The following SHROOM3 variants were observed in gnomAD, a reference collection of about 807,000 sequenced individuals.
The protein encoded by SHROOM3 is shroom family member 3.
In SHROOM3, 47 loss-of-function variants were observed where a neutral mutation model predicts 138.6. That is an observed-to-expected ratio of 0.34 (90% CI 0.27 to 0.43). The LOEUF is 0.43. SHROOM3 is among the 20% of genes least tolerant of loss of function. The pLI, the probability that SHROOM3 is intolerant of heterozygous loss-of-function variation, is 1.00. For missense variants in SHROOM3, 2,491 were observed against 2,596.5 expected (o/e 0.96, Z 0.88); for synonymous variants, 1,062 against 1,063.3 (o/e 1.00, Z 0.02).
rs929081115 is a variant in SHROOM3, at chr4:76,748,837, T to A, written c.3754-180T>A. 6.9e-6 allele frequency among the ~76,000 whole-genome samples: 1 copy of A among 144,256 alleles called. No homozygotes were observed. The highest frequency in any genetic ancestry group is 1.5e-5 in the Non-Finnish European group (1 of 66,910). 94.6% of individuals were successfully genotyped at this position (144,256 alleles called of 152,430 possible). On this transcript the variant is annotated intron_variant, in intron 5 of 10. Coordinates refer to ENST00000296043, the MANE Select transcript of SHROOM3 (RefSeq NM_020859.4). Reference sequence around the variant, plus strand: ...TGCTTTTTTTTTTTTTTTTTTTTTTTAAATCTTCGGCTTATCTCCTGCATC... The same window carrying A: ...TGCTTTTTTTTTTTTTTTTTTTTTTAAAATCTTCGGCTTATCTCCTGCATC...
In SHROOM3 at chr4:76,580,884, A is replaced by G. The variant is rs116488709; in HGVS notation, c.323+25121A>G. Reference sequence around the variant, plus strand: ...CTAGTAAACACTCTACTAAGTACATATGTAAGTATATAAACGTAACTGATA... The same window carrying G: ...CTAGTAAACACTCTACTAAGTACATGTGTAAGTATATAAACGTAACTGATA... On this transcript the variant is annotated intron_variant, in intron 2 of 10. Transcript: ENST00000296043. 9.1e-3 allele frequency among the ~76,000 whole-genome samples: 1,392 copies of G among 152,358 alleles called. 10 individuals are homozygous for G. The highest frequency in any genetic ancestry group is 0.019 in the South Asian group (92 of 4,830).
intron 2 of SHROOM3, among the ~76,000 whole-genome samples, chr4:76,698,592 A>G (rs1351902936): frequency 6.6e-6 from 1 of 152,102 alleles, no homozygotes; most frequent in East Asian, 1.9e-4. Context: ...ACTCGCTTAC[A>G]AAAGGGGAGG....
chr4:76,741,362 C>T lies in SHROOM3; in HGVS notation c.3189C>T (p.Arg1063=), dbSNP rs745858386. 33 of 1,607,574 alleles carry T rather than the reference C, an allele frequency of 2.1e-5. No homozygotes were observed. Among genetic ancestry groups the T allele is most frequent in the African/African-American group, 6.7e-5 (5 of 74,866 alleles). The change falls in exon 5 of 11, where the codon CGC becomes CGT. Residue 1063 remains arginine (R), a synonymous_variant. Coordinates refer to ENST00000296043, the MANE Select transcript of SHROOM3 (RefSeq NM_020859.4). The surrounding 1 kb of genome is among the most constrained non-coding windows in gnomAD (Gnocchi z 6.2). ...CCGACCGGCGCCGTCTCTTCGAGCG[C>T]GATGGCAAGGCCTGCTCCACGCTCA... ...SVADRRRLFE[R]DGKACSTLSL...
At chr4:76,499,496 C>T (rs1348684879) in intron 1 of SHROOM3, among the ~76,000 whole-genome samples, 10 of 152,124 alleles carry the variant, frequency 6.6e-5, no homozygotes, top group Admixed American at 5.2e-4. Context: ...AAGTAAATTT[C>T]AATATACTGA....
chr4:76,737,089 C>T (rs572883942), intron 4 of SHROOM3, among the ~76,000 whole-genome samples: 15 of 152,316 alleles, frequency 9.8e-5, no homozygotes, highest in Non-Finnish European at 1.6e-4. Context: ...CTCCTTGCAT[C>T]GCCCCTAAGA....
In SHROOM3 at chr4:76,754,940, C is replaced by T; in HGVS notation, c.4457C>T (p.Ser1486Phe). ...GCCCCGAGCACTCCAGGGAGGATCT[C>T]CCTCCGAATATCTGAGTCTGTCCTG... Reference protein sequence around the residue: ...LGAPSTPGRISLRISESVLRD... With the variant: ...LGAPSTPGRIFLRISESVLRD... Residue 1486 changes from serine (S) to phenylalanine (F), a missense_variant, in exon 7 of 11, where the codon TCC becomes TTC. Ser to Phe is a radical substitution (Grantham distance 155, BLOSUM62 -2). Coordinates refer to ENST00000296043, the MANE Select transcript of SHROOM3 (RefSeq NM_020859.4). 2 of 1,614,224 alleles carry T rather than the reference C, an allele frequency of 1.2e-6. No homozygotes were observed. Among genetic ancestry groups the T allele is most frequent in the Non-Finnish European group, 1.7e-6 (2 of 1,180,030 alleles).
intron 1 of SHROOM3, among the ~76,000 whole-genome samples, chr4:76,494,543 G>A (rs1731925324): frequency 6.6e-6 from 1 of 152,182 alleles, no homozygotes; most frequent in African/African-American, 2.4e-5. Flanking sequence ...TAGGGCACAA[G>A]GTCATTATAT....
At chr4:76,648,203 C>T (rs994254447) in intron 2 of SHROOM3, among the ~76,000 whole-genome samples, 1 of 152,024 alleles carries the variant, frequency 6.6e-6, no homozygotes, top group African/African-American at 2.4e-5. Flanking sequence ...TGGTGCGTAC[C>T]TGTGGTCCCA....
At chr4:76,538,247 C>T (rs1246383504) in intron 1 of SHROOM3, among the ~76,000 whole-genome samples, 1 of 152,132 alleles carries the variant, frequency 6.6e-6, no homozygotes. Context: ...TAAATTACAT[C>T]TCAATAAAGC....
chr4:76,650,000 C>T (rs747941583), intron 2 of SHROOM3, among the ~76,000 whole-genome samples: 20 of 152,128 alleles, frequency 1.3e-4, no homozygotes, highest in Non-Finnish European at 2.4e-4. Context: ...CTTCCTGGCT[C>T]GCAGGTGGCT....
intron 2 of SHROOM3, among the ~76,000 whole-genome samples, chr4:76,590,988 A>C (rs4263424): frequency 0.58 from 87,876 of 152,060 alleles, 26,023 homozygotes; most frequent in East Asian, 0.85. Context: ...CGGTATGAAT[A>C]TCGAATCTGT....
intron 1 of SHROOM3, among the ~76,000 whole-genome samples, chr4:76,466,678 T>C (rs1447702415): frequency 6.6e-6 from 1 of 152,162 alleles, no homozygotes; most frequent in African/African-American, 2.4e-5. Context: ...CTTGTAATAG[T>C]AGCAATAAGT....
At chr4:76,695,313 C>T (rs113527524) in intron 2 of SHROOM3, among the ~76,000 whole-genome samples, 12 of 152,236 alleles carry the variant, frequency 7.9e-5, no homozygotes, top group South Asian at 4.1e-4. Context: ...TATTTGTGAA[C>T]AAAAAATTGG....
chr4:76,588,749 A>G (rs1437308460), intron 2 of SHROOM3, among the ~76,000 whole-genome samples: 1 of 152,120 alleles, frequency 6.6e-6, no homozygotes, highest in African/African-American at 2.4e-5. Context: ...GAGTTTGGGT[A>G]GCCCTAGACA....
intron 4 of SHROOM3, among the ~76,000 whole-genome samples, chr4:76,735,857 AAAAAAAAAAAAATATATATATAT>A (rs1380545000): frequency 1.3e-3 from 57 of 44,002 alleles, no homozygotes; most frequent in African/African-American, 4.7e-3. Flanking sequence ...AAAAAAAAAA[AAAAAAAAAAAAATATATATATAT>A]ATATATATAT....
intron 2 of SHROOM3, among the ~76,000 whole-genome samples, chr4:76,640,237 A>T (rs1450444416): frequency 1.3e-5 from 2 of 152,176 alleles, no homozygotes; most frequent in Non-Finnish European, 2.9e-5. Flanking sequence ...GTTAGCTGTA[A>T]TCTGCAAAGA....
At chr4:76,690,740 GTGT>G (rs1251161568) in intron 2 of SHROOM3, among the ~76,000 whole-genome samples, 1 of 152,036 alleles carries the variant, frequency 6.6e-6, no homozygotes, top group Non-Finnish European at 1.5e-5. Context: ...TGCAGAAAAG[GTGT>G]AATATACAGA....
At chr4:76,467,800 G>A (rs1287661405) in intron 1 of SHROOM3, among the ~76,000 whole-genome samples, 2 of 152,208 alleles carry the variant, frequency 1.3e-5, no homozygotes, top group African/African-American at 4.8e-5. Context: ...TTTGAGACAT[G>A]TTGAGCCCTC....
At chr4:76,479,292 G>A (rs1057457168) in intron 1 of SHROOM3, among the ~76,000 whole-genome samples, 1 of 151,936 alleles carries the variant, frequency 6.6e-6, no homozygotes, top group Non-Finnish European at 1.5e-5. Flanking sequence ...TAAATGACCT[G>A]ATGGAGCTGA....
Sources: allele counts gnomAD v4.1 joint callset (sites outside exome capture counted in the v4.1 genomes callset), GRCh38; gene constraint gnomAD v4.1.1; non-coding constraint Gnocchi (gnomAD v3.1); transcripts MANE v1.5; gene names NCBI Gene and HGNC (gene_info 2026-07-23, HGNC 2026-07-21).